Variants in ARSB observed in about 807,000 individuals in gnomAD.
The protein encoded by ARSB is arylsulfatase B, also known as N-acetylgalactosamine-4-sulfatase.
A neutral mutation model predicts 50.9 loss-of-function variants in ARSB; 41 were observed. That is an observed-to-expected ratio of 0.81 (90% confidence interval 0.63 to 1.04). The LOEUF (loss-of-function observed/expected upper bound fraction) is 1.04, where lower values mean the gene tolerates loss of function less well. Among genes scored for constraint, ARSB ranks in the 50% least tolerant of loss-of-function variants. ARSB has a pLI of 0.00. For synonymous variants in ARSB, 269 were observed against 284.8 expected, an observed-to-expected ratio of 0.94 and a Z score of 0.56; for missense variants, 672 against 693.3, an observed-to-expected ratio of 0.97 and a Z score of 0.35.
rs147337714 is a variant in ARSB, at chr5:78,962,204, T to C, written c.690+2212A>G. On this transcript the variant is annotated intron_variant, in intron 3 of 7. Transcript: ENST00000264914. ...GCTTATGTGTAAAATGGTGGCTCCCTCAAAGAATAATACACAGTTCTCTTA... is the reference window on the plus strand; with the variant it reads ...GCTTATGTGTAAAATGGTGGCTCCCCCAAAGAATAATACACAGTTCTCTTA... Among the ~76,000 whole-genome samples, 77 of 152,304 alleles carry C rather than the reference T, an allele frequency of 5.1e-4. 1 individual carries two copies. The East Asian group carries it at 0.014, about 29-fold the overall frequency.
rs1747854920 is a variant in ARSB at position 78,883,340 on chromosome 5, T to C, written c.1142+2244A>G. The C allele has an allele frequency of 3.9e-5, 6 of 152,368 alleles. No individual in the cohort carries two copies. In the South Asian group the frequency reaches 1.2e-3, roughly 32 times the overall value. 9.4% of individuals were successfully genotyped at this position (152,368 alleles called of 1,614,324 possible). ...CTGTTCAGTGGCATTACTTTTTCTGTGACTTGGATGCTGTAGAGTGTTCTT... is the reference window on the plus strand; with the variant it reads ...CTGTTCAGTGGCATTACTTTTTCTGCGACTTGGATGCTGTAGAGTGTTCTT... On this transcript the variant is annotated intron_variant, in intron 5 of 7. Coordinates refer to ENST00000264914, the MANE Select transcript of ARSB (RefSeq NM_000046.5).
At chr5:78,852,866 G>C (rs1397054445) in intron 5 of ARSB, among the ~76,000 whole-genome samples, 1 of 152,170 alleles carries the variant, frequency 6.6e-6, no homozygotes, top group Non-Finnish European at 1.5e-5. Flanking sequence ...TGAGGCTTCT[G>C]CATTCTTCAT....
chr5:78,900,580 G>C (rs1404292481), intron 4 of ARSB, among the ~76,000 whole-genome samples: 1 of 152,100 alleles, frequency 6.6e-6, no homozygotes, highest in Non-Finnish European at 1.5e-5. Flanking sequence ...CTGTGGCCCT[G>C]GGGGCTGTCT....
intron 4 of ARSB, among the ~76,000 whole-genome samples, chr5:78,896,260 T>C (rs562091528): frequency 8.5e-5 from 13 of 152,142 alleles, no homozygotes; most frequent in African/African-American, 3.1e-4. Context: ...AGATGGATGA[T>C]ATAAAAAGGC....
intron 4 of ARSB, among the ~76,000 whole-genome samples, chr5:78,912,310 T>C (rs771729879): frequency 5.9e-5 from 9 of 152,224 alleles, no homozygotes; most frequent in Non-Finnish European, 8.8e-5. Context: ...CTGTTTCTCA[T>C]ACTCCATCAA....
At chr5:78,945,424 C>T (rs1261991282) in intron 4 of ARSB, among the ~76,000 whole-genome samples, 1 of 152,136 alleles carries the variant, frequency 6.6e-6, no homozygotes, top group Non-Finnish European at 1.5e-5. Flanking sequence ...TGGCTCCACC[C>T]CTCCTATGTA....
intron 5 of ARSB, among the ~76,000 whole-genome samples, chr5:78,874,317 G>A (rs1258260007): frequency 6.6e-6 from 1 of 152,152 alleles, no homozygotes; most frequent in Non-Finnish European, 1.5e-5. Flanking sequence ...CAAAATTGTG[G>A]ATAAAGAGAG....
In ARSB at chr5:78,885,486, A is replaced by T. The variant is rs1747974021; in HGVS notation, c.1142+98T>A. 5.2e-6 allele frequency: 8 copies of T among 1,523,950 alleles called. No individual in the cohort carries two copies. The South Asian group carries it at 9.7e-5, about 18-fold the overall frequency. The allele number at this position is 1,523,950 out of a possible 1,614,324, so 94.4% of individuals were successfully genotyped here. On this transcript the variant is annotated intron_variant, in intron 5 of 7. Transcript: ENST00000264914. Reference sequence around the variant, plus strand: ...TAAAAATCATGTATTTGTAAGCTGAACTATCATTTTAACACAAAAGCTATC... The same window carrying T: ...TAAAAATCATGTATTTGTAAGCTGATCTATCATTTTAACACAAAAGCTATC...
intron 4 of ARSB, among the ~76,000 whole-genome samples, chr5:78,943,321 T>A (rs184676395): frequency 6.6e-6 from 1 of 152,312 alleles, no homozygotes; most frequent in African/African-American, 2.4e-5. Context: ...GATCCTGTCA[T>A]GATGTTAGCT....
chr5:78,788,677 T>A (rs900890937), intron 6 of ARSB, among the ~76,000 whole-genome samples: 1 of 152,242 alleles, frequency 6.6e-6, no homozygotes, highest in African/African-American at 2.4e-5. Flanking sequence ...ACTAGCTTAC[T>A]GCAGCCTTGA....
At chr5:78,845,401 G>A (rs941491965) in intron 5 of ARSB, among the ~76,000 whole-genome samples, 19 of 152,062 alleles carry the variant, frequency 1.2e-4, no homozygotes, top group African/African-American at 3.9e-4. Flanking sequence ...CCCAGTAGCG[G>A]GATTGCTGGA....
intron 3 of ARSB, 61 bp from the exon 4 acceptor site, chr5:78,955,563 T>G: frequency 7.3e-7 from 1 of 1,367,210 alleles, no homozygotes; most frequent in Non-Finnish European, 1.0e-6. Context: ...TATAGAAGGA[T>G]AAGACAGTTC....
At chr5:78,971,080 A>G (rs1321041206) in intron 1 of ARSB, among the ~76,000 whole-genome samples, 1 of 152,216 alleles carries the variant, frequency 6.6e-6, no homozygotes, top group African/African-American at 2.4e-5. Context: ...ATCCAGACCT[A>G]AGGAATAAAA....
chr5:78,984,187 T>C (rs1753040717), intron 1 of ARSB, among the ~76,000 whole-genome samples: 1 of 152,224 alleles, frequency 6.6e-6, no homozygotes, highest in Non-Finnish European at 1.5e-5. Flanking sequence ...TAAAAACAAC[T>C]ACCTCATGCA....
At chr5:78,965,194 T>G (rs3797552) in intron 2 of ARSB, among the ~76,000 whole-genome samples, 44,204 of 152,042 alleles carry the variant, frequency 0.29, 7,248 homozygotes, top group Non-Finnish European at 0.37. Flanking sequence ...ATAAGACTTT[T>G]CTACCTAAAA....
chr5:78,894,966 T>C (rs1307776102), intron 4 of ARSB, among the ~76,000 whole-genome samples: 1 of 152,112 alleles, frequency 6.6e-6, no homozygotes, highest in Non-Finnish European at 1.5e-5. Context: ...GAGAGGCAAA[T>C]GGCTAACAGG....
At chr5:78,905,910 CAAAAA>C (rs57651882) in intron 4 of ARSB, among the ~76,000 whole-genome samples, 2 of 94,434 alleles carry the variant, frequency 2.1e-5, no homozygotes, top group African/African-American at 4.2e-5. Flanking sequence ...AGCAAAGTAG[CAAAAA>C]AAAAAAAAAA....
chr5:78,907,904 G>A (rs1749136439), intron 4 of ARSB, among the ~76,000 whole-genome samples: 1 of 152,144 alleles, frequency 6.6e-6, no homozygotes. Flanking sequence ...ATGTGGGCCA[G>A]TTTTGAGCCC....
At chr5:78,940,270 A>C (rs1750845599) in intron 4 of ARSB, among the ~76,000 whole-genome samples, 2 of 152,146 alleles carry the variant, frequency 1.3e-5, no homozygotes, top group South Asian at 4.1e-4. Flanking sequence ...TGCTGTGCAG[A>C]AGCTCTTTAG....
Sources: gnomAD v4.1 joint callset for allele counts (sites outside exome capture counted in the v4.1 genomes callset) on GRCh38, gnomAD v4.1.1 for gene constraint, MANE v1.5 for transcripts, NCBI Gene and HGNC (gene_info 2026-07-23, HGNC 2026-07-21) for gene names.